MTREX: variants seen among roughly 807,000 people sequenced by gnomAD.
The protein encoded by MTREX is Mtr4 exosome RNA helicase.
Under a neutral mutation model 135.4 loss-of-function variants are expected in MTREX, and 76 were observed. The ratio of observed to expected loss-of-function variants is 0.56; its 90% CI spans 0.47 to 0.68. The LOEUF (loss-of-function observed/expected upper bound fraction) is 0.68. Among genes scored for constraint, MTREX ranks in the 30% least tolerant of loss-of-function variants. The pLI is 0.00. For missense variants in MTREX, 920 were observed against 1,262.1 expected (o/e 0.73, Z 4.11); for synonymous variants, 404 against 401.6 (o/e 1.01, Z -0.07).
chr5:55,351,476 G>A (rs1427260541), intron 13 of MTREX, among the ~76,000 whole-genome samples: 4 of 152,180 alleles, frequency 2.6e-5, no homozygotes, highest in African/African-American at 9.7e-5. Context: ...AGGTTGCAGT[G>A]AGCGGAGATC....
intron 10 of MTREX, among the ~76,000 whole-genome samples, chr5:55,346,027 G>A (rs983134634): frequency 6.6e-6 from 1 of 152,058 alleles, no homozygotes; most frequent in African/African-American, 2.4e-5. Context: ...ACATTCCATT[G>A]TATGGATATA....
Position 55,388,039 on chromosome 5 carries a change from C to G in MTREX, c.2118C>G (p.Ser706Arg). The part of the protein sequence containing the change: ...VEVLLRCSKE[S>R]LKNSATEAAK... ...TACTTCTGCGCTGTAGCAAAGAGAG[C>G]TTGAAAAATTCAGCTACAGAAGCTG... The change falls in exon 19 of 27, where the codon AGC becomes AGG. Residue 706 changes from serine (S) to arginine (R), a missense_variant. Transcript: ENST00000230640. 2 of 1,608,664 alleles carry G rather than the reference C, an allele frequency of 1.2e-6. No individual in the cohort carries two copies. Among genetic ancestry groups the G allele is most frequent in the South Asian group, 2.2e-5 (2 of 90,466 alleles).
chr5:55,402,256 C>G (rs1321497933), intron 21 of MTREX, among the ~76,000 whole-genome samples: 1 of 152,226 alleles, frequency 6.6e-6, no homozygotes, highest in Non-Finnish European at 1.5e-5. Flanking sequence ...TTGCCAGGTA[C>G]TTCTCAAGAT....
chr5:55,397,014 C>A (rs1750656978), intron 19 of MTREX, among the ~76,000 whole-genome samples: 1 of 152,190 alleles, frequency 6.6e-6, no homozygotes, highest in Non-Finnish European at 1.5e-5. Context: ...TCTGCCCATC[C>A]AGAACTTACA....
chr5:55,418,586 A>G (rs192457059), intron 25 of MTREX, among the ~76,000 whole-genome samples: 3 of 151,904 alleles, frequency 2.0e-5, no homozygotes, highest in African/African-American at 7.2e-5. Flanking sequence ...CCAGTTTTTT[A>G]GCTCTAACTT....
rs16884049 is a variant in MTREX, at chr5:55,308,070, T to G, written c.57T>G (p.Thr19=). 812 of 1,613,920 alleles carry G rather than the reference T, an allele frequency of 5.0e-4. 6 individuals carry two copies. In the African/African-American group the frequency reaches 9.6e-3, roughly 19 times the overall value. ...GCGTGTTCGAGGGCGACTCGACCAC[T>G]GCGGCGGGAACCAAAAAAGACAAGG... The part of the protein sequence containing the change: ...LFSVFEGDST[T]AAGTKKDKEK... The change falls in exon 1 of 27, where the codon ACT becomes ACG. Residue 19 remains threonine, a synonymous_variant. Coordinates refer to ENST00000230640, the MANE Select transcript of MTREX (RefSeq NM_015360.5).
At chr5:55,423,968 A>C (rs1425534333) in intron 26 of MTREX, 1 of 152,188 alleles carries the variant, frequency 6.6e-6, no homozygotes, top group Non-Finnish European at 1.5e-5. Context: ...AGTTTTAAAA[A>C]TAATTTGTAA....
At chr5:55,318,264 A>T (rs1262420233) in intron 1 of MTREX, among the ~76,000 whole-genome samples, 1 of 152,236 alleles carries the variant, frequency 6.6e-6, no homozygotes, top group African/African-American at 2.4e-5. Flanking sequence ...CAATCCCATT[A>T]CTGGGTATAT....
intron 16 of MTREX, among the ~76,000 whole-genome samples, chr5:55,374,474 T>A (rs1404436343): frequency 6.6e-6 from 1 of 151,760 alleles, no homozygotes; most frequent in African/African-American, 2.4e-5. Flanking sequence ...TTTGTAGAGA[T>A]GGAATCTCAC....
At chr5:55,377,052 G>A (rs1005257004) in intron 16 of MTREX, among the ~76,000 whole-genome samples, 15 of 152,036 alleles carry the variant, frequency 9.9e-5, no homozygotes, top group Non-Finnish European at 1.3e-4. Flanking sequence ...GCTAAAGGCC[G>A]GGCTTGGTGG....
chr5:55,417,987 C>T (rs1750995665), intron 25 of MTREX, among the ~76,000 whole-genome samples: 1 of 151,318 alleles, frequency 6.6e-6, no homozygotes, highest in Non-Finnish European at 1.5e-5. Context: ...GTAATCCCAA[C>T]ACTTTGGGAG....
intron 14 of MTREX, among the ~76,000 whole-genome samples, chr5:55,358,218 A>G (rs929281531): frequency 1.3e-5 from 2 of 152,200 alleles, no homozygotes; most frequent in South Asian, 4.1e-4. Context: ...AAGCTGTCAT[A>G]TATTTGTAAG....
intron 25 of MTREX, among the ~76,000 whole-genome samples, 153 bp from the exon 26 acceptor site, chr5:55,422,725 A>G (rs1472785433): frequency 6.6e-6 from 1 of 152,172 alleles, no homozygotes; most frequent in African/African-American, 2.4e-5. Flanking sequence ...TCATCTTTGT[A>G]GCTTTCTCCA....
At chr5:55,354,216 G>C (rs1377853091) in intron 14 of MTREX, among the ~76,000 whole-genome samples, 1 of 152,180 alleles carries the variant, frequency 6.6e-6, no homozygotes, top group African/African-American at 2.4e-5. Context: ...ATGTTATGCT[G>C]TAAACACTCT....
Position 55,402,818 on chromosome 5 carries a change from TTA to T in MTREX, c.2481+2401_2481+2402del, listed in dbSNP as rs1750742530. The stretch of plus-strand genomic sequence containing the variant: ...CACATGATATATAAATATAAGCACA[TTA>T]TATGTGTGTGTGTGTGTGTGTATGT... On this transcript the variant is annotated intron_variant, in intron 21 of 26. Transcript: ENST00000230640. Among the ~76,000 whole-genome samples the T allele has an allele frequency of 6.4e-5, 3 of 46,522 alleles. 1 individual carries two copies. The Admixed American group carries it at 9.2e-4, about 14-fold the overall frequency. 30.5% of individuals were successfully genotyped at this position (46,522 alleles called of 152,430 possible). A position where few individuals can be genotyped will look rare whatever the true frequency, so the allele number is the denominator to read the frequency against.
At chr5:55,318,991 C>A (rs1749244809) in intron 1 of MTREX, among the ~76,000 whole-genome samples, 1 of 147,958 alleles carries the variant, frequency 6.8e-6, no homozygotes, top group Admixed American at 6.8e-5. Context: ...CTCAAATATT[C>A]TAAATTTTAA....
At chr5:55,387,944 T>G (rs766925873) in intron 18 of MTREX, 30 bp from the exon 19 acceptor site, 5 of 1,551,394 alleles carry the variant, frequency 3.2e-6, no homozygotes, top group Non-Finnish European at 4.4e-6. Context: ...TTCTTAAGAA[T>G]GAATGAACAT....
rs1356396607 is a variant in MTREX, at chr5:55,397,488, C to T, written c.2254C>T (p.Pro752Ser). ...GCTTTACATTCCTAAAGACCTTCGG[C>T]CGGTGGACAATAGACAGAGTGTTTT... is the stretch of plus-strand genomic sequence containing the variant. The part of the protein sequence containing the change: ...VRLYIPKDLR[P>S]VDNRQSVLKS... The change falls in exon 20 of 27, where the codon CCG becomes TCG. Residue 752 changes from proline to serine, a missense_variant. By Grantham distance (74) the Pro-to-Ser change is moderately conservative. Around this residue, in one of 6 missense-constraint regions of MTREX, gnomAD observed 467 missense variants for 589.7 expected, o/e 0.79. Transcript: ENST00000230640. 9 of 1,609,538 alleles carry T rather than the reference C, an allele frequency of 5.6e-6. No individual in the cohort carries two copies. The highest frequency in any genetic ancestry group is 7.6e-6 in the Non-Finnish European group (9 of 1,176,826).
chr5:55,424,567 A>G (rs915811816), intron 26 of MTREX, 153 bp from the exon 27 acceptor site: 2 of 592,576 alleles, frequency 3.4e-6, no homozygotes, highest in East Asian at 5.6e-5. Flanking sequence ...GGTGGCTGCA[A>G]ATTCCTCTAG....
Sources: gnomAD v4.1 joint callset for allele counts (sites outside exome capture counted in the v4.1 genomes callset) on GRCh38, gnomAD v4.1.1 for gene constraint, gnomAD v4.1.1 regional missense constraint, MANE v1.5 for transcripts, NCBI Gene and HGNC (gene_info 2026-07-23, HGNC 2026-07-21) for gene names.